DYNC1H1: variants seen among roughly 807,000 people sequenced by gnomAD.
DYNC1H1 encodes cytoplasmic dynein 1 heavy chain 1.
Under a neutral mutation model 527.1 loss-of-function variants are expected in DYNC1H1, and 51 were observed. That is an observed-to-expected ratio of 0.10 (90% CI 0.08 to 0.12). The LOEUF (loss-of-function observed/expected upper bound fraction) is 0.12, where lower values mean the gene tolerates loss of function less well. Among genes scored for constraint, DYNC1H1 ranks in the 10% least tolerant of loss-of-function variants. DYNC1H1 has a pLI of 1.00. For missense variants in DYNC1H1, 2,771 were observed against 5,971.8 expected (o/e 0.46, Z 17.66); for synonymous variants, 2,189 against 2,278.8 (o/e 0.96, Z 1.12).
At chr14:101,996,025 C>T (rs1212401122) in intron 15 of DYNC1H1, among the ~76,000 whole-genome samples, 8 of 152,014 alleles carry the variant, frequency 5.3e-5, no homozygotes, top group Admixed American at 2.0e-4. Context: ...GATTGTGCCA[C>T]TGCACTCCAG....
chr14:102,014,168 T>G (rs555807971), intron 34 of DYNC1H1, among the ~76,000 whole-genome samples: 133 of 152,178 alleles, frequency 8.7e-4, no homozygotes, highest in African/African-American at 3.2e-3. Flanking sequence ...GGCTCTGGAG[T>G]CCGACCACCT....
chr14:102,015,147 T>C lies in DYNC1H1; in HGVS notation c.7057T>C (p.Leu2353=). 2 of 1,614,270 alleles carry C rather than the reference T, an allele frequency of 1.2e-6. No individual in the cohort carries two copies. The highest frequency in any genetic ancestry group is 1.7e-6 in the Non-Finnish European group (2 of 1,180,046). The part of the protein sequence containing the change: ...FEVQDLKYAT[L]ATVSRCGMVW... ...GGTACAGGACTTGAAATACGCGACC[T>C]TGGCCACAGTGTCGCGCTGCGGCAT... The change falls in exon 35 of 78, where the codon TTG becomes CTG. Residue 2353 remains leucine (L), a synonymous_variant. Coordinates refer to ENST00000360184, the MANE Select transcript of DYNC1H1 (RefSeq NM_001376.5). This position sits in a 1 kb window ranked among gnomAD's most constrained non-coding sequence, Gnocchi z 6.9.
At chr14:101,998,448 G>A (rs752950727) in intron 16 of DYNC1H1, among the ~76,000 whole-genome samples, 2 of 152,158 alleles carry the variant, frequency 1.3e-5, no homozygotes, top group Non-Finnish European at 2.9e-5. Flanking sequence ...GGTCCCAGGC[G>A]ATTGGTTTGT....
rs1481618313 is a variant in DYNC1H1 at position 102,001,489 on chromosome 14, G to A, written c.4396-46G>A. 1 of 1,614,054 alleles carries A rather than the reference G, an allele frequency of 6.2e-7. No individual in the cohort carries two copies. The highest frequency in any genetic ancestry group is 2.2e-5 in the East Asian group (1 of 44,884). On this transcript the variant is annotated intron_variant, in intron 20 of 77. Coordinates refer to ENST00000360184, the MANE Select transcript of DYNC1H1 (RefSeq NM_001376.5). The surrounding 1 kb of genome is among the most constrained non-coding windows in gnomAD (Gnocchi z 5.0). ...ATGCTGGGTCCCTTGTGCAGGTAGT[G>A]AATGCCCACATATTGATAACATGCA...
intron 1 of DYNC1H1, among the ~76,000 whole-genome samples, chr14:101,967,418 A>G (rs1344267402): frequency 6.6e-6 from 1 of 152,206 alleles, no homozygotes; most frequent in Non-Finnish European, 1.5e-5. Flanking sequence ...TATTCCTTCC[A>G]CTTTTTTTGT....
intron 15 of DYNC1H1, among the ~76,000 whole-genome samples, 198 bp from the exon 16 acceptor site, chr14:101,996,837 G>A (rs944137928): frequency 6.6e-6 from 1 of 151,810 alleles, no homozygotes; most frequent in Admixed American, 6.6e-5. Context: ...TGCCCAGGCT[G>A]GTCTTAAACT....
chr14:102,004,298 A>C (rs144104637), intron 23 of DYNC1H1, among the ~76,000 whole-genome samples: 20 of 152,344 alleles, frequency 1.3e-4, no homozygotes, highest in African/African-American at 4.8e-4. Context: ...AAATGACATG[A>C]AATTCTTTGC....
intron 8 of DYNC1H1, 103 bp from the exon 9 acceptor site, chr14:101,987,350 C>G (rs764830030): frequency 7.8e-5 from 101 of 1,292,356 alleles, no homozygotes; most frequent in Non-Finnish European, 9.6e-5. Flanking sequence ...AGAACTGTGC[C>G]TGGAGCATTT....
At chr14:102,046,535 G>A (rs76447849) in intron 72 of DYNC1H1, among the ~76,000 whole-genome samples, 14,712 of 148,964 alleles carry the variant, frequency 0.099, 1,246 homozygotes, top group East Asian at 0.23. Context: ...CGAGCTGGGC[G>A]GGTCTGGAGC....
chr14:102,033,326 C>T lies in DYNC1H1; in HGVS notation c.10255C>T (p.Leu3419=). 1 of 1,614,232 alleles carries T rather than the reference C, an allele frequency of 6.2e-7. No homozygotes were observed. The highest frequency in any genetic ancestry group is 1.1e-5 in the South Asian group (1 of 91,084). The part of the protein sequence containing the change: ...VEPLRNELQK[L]EDDAKDNQQK... ...GCCCCTACGCAATGAGCTGCAGAAG[C>T]TGGAAGATGACGCCAAGGACAACCA... Residue 3419 remains leucine, a synonymous_variant, in exon 54 of 78, where the codon CTG becomes TTG. Transcript: ENST00000360184. This position sits in a 1 kb window ranked among gnomAD's most constrained non-coding sequence, Gnocchi z 5.6.
intron 48 of DYNC1H1, 168 bp downstream of exon 48, chr14:102,028,309 C>G: frequency 1.4e-6 from 1 of 733,238 alleles, no homozygotes; most frequent in South Asian, 1.6e-5. Flanking sequence ...CCCAGGAGTT[C>G]AAGACCAGCC....
chr14:102,048,991 G>A (rs911405750), intron 74 of DYNC1H1: 36 of 442,362 alleles, frequency 8.1e-5, no homozygotes, highest in East Asian at 2.4e-4. Context: ...AGTAGGTTAC[G>A]GCCTGTGAAG....
intron 2 of DYNC1H1, 55 bp downstream of exon 2, chr14:101,975,854 A>G: frequency 1.5e-6 from 2 of 1,354,936 alleles, no homozygotes; most frequent in Admixed American, 1.8e-5. Flanking sequence ...GAGAATTAAT[A>G]TGAATCTTTT....
intron 73 of DYNC1H1, 112 bp from the exon 74 acceptor site, chr14:102,048,404 A>G: frequency 7.0e-7 from 1 of 1,423,572 alleles, no homozygotes; most frequent in Admixed American, 1.9e-5. Context: ...GTGACCCTGG[A>G]CAGTTCGGAA....
chr14:101,984,627 T>C (rs2047911563), intron 7 of DYNC1H1, among the ~76,000 whole-genome samples: 1 of 150,380 alleles, frequency 6.6e-6, no homozygotes, highest in Non-Finnish European at 1.5e-5. Context: ...ATTTTTGTAT[T>C]TTTAGTAGAA....
chr14:101,969,852 G>A (rs968612726), intron 1 of DYNC1H1, among the ~76,000 whole-genome samples: 1 of 152,190 alleles, frequency 6.6e-6, no homozygotes, highest in Admixed American at 6.5e-5. Flanking sequence ...TGAAAATTGC[G>A]TGTCAGCATC....
At chr14:102,008,507 G>T (rs1341073611) in intron 29 of DYNC1H1, among the ~76,000 whole-genome samples, 170 bp downstream of exon 29, 1 of 152,190 alleles carries the variant, frequency 6.6e-6, no homozygotes, top group Non-Finnish European at 1.5e-5. Context: ...AGAAACCCAG[G>T]CCAGGCGTAG....
chr14:101,996,905 G>A, intron 15 of DYNC1H1, 130 bp from the exon 16 acceptor site: 2 of 1,349,278 alleles, frequency 1.5e-6, no homozygotes, highest in South Asian at 2.7e-5. Flanking sequence ...TTACAGGCAA[G>A]AACCACTGTG....
At position 101,971,077 on chromosome 14, in the gene DYNC1H1, G is replaced by A. The variant is rs1027335128; in HGVS notation, c.257-4635G>A. Among the ~76,000 whole-genome samples the A allele has an allele frequency of 4.2e-5, 6 of 142,070 alleles. No homozygotes were observed. The South Asian group carries it at 9.0e-4, about 21-fold the overall frequency. The allele number at this position is 142,070 out of a possible 152,430, so 93.2% of individuals were successfully genotyped here. Reference sequence around the variant, plus strand: ...TGCCCTGTCTACTCAGGAGAGGGCCGTATCATTCTTTTTTTTTTTTTTTTT... The same window carrying A: ...TGCCCTGTCTACTCAGGAGAGGGCCATATCATTCTTTTTTTTTTTTTTTTT... On this transcript the variant is annotated intron_variant, in intron 1 of 77. Transcript: ENST00000360184.
Sources: allele counts gnomAD v4.1 joint callset (sites outside exome capture counted in the v4.1 genomes callset), GRCh38; gene constraint gnomAD v4.1.1; non-coding constraint Gnocchi (gnomAD v3.1); transcripts MANE v1.5; gene names NCBI Gene and HGNC (gene_info 2026-07-23, HGNC 2026-07-21).